The following GTF2F2 variants were observed in gnomAD, a reference collection of about 807,000 sequenced individuals.
GTF2F2 encodes ATP-dependent helicase GTF2F2.
In GTF2F2, 23 loss-of-function variants were observed where a neutral mutation model predicts 42.2. The ratio of observed to expected loss-of-function variants is 0.55; its 90% CI spans 0.39 to 0.77. GTF2F2 has a LOEUF of 0.77. Ranked by LOEUF, GTF2F2 falls within the 30% of genes least tolerant of loss-of-function variation. GTF2F2 has a pLI of 0.00. For synonymous variants in GTF2F2, 105 were observed against 100.8 expected (o/e 1.04, Z -0.25); for missense variants, 261 against 287.2 (o/e 0.91, Z 0.66).
chr13:45,138,482 G>C (rs1869749557), intron 2 of GTF2F2, among the ~76,000 whole-genome samples: 1 of 152,112 alleles, frequency 6.6e-6, no homozygotes, highest in South Asian at 2.1e-4. Context: ...ACCTAGACTT[G>C]ACCACGGACC....
chr13:45,141,577 A>G (rs1246903426), intron 2 of GTF2F2, among the ~76,000 whole-genome samples: 2 of 152,164 alleles, frequency 1.3e-5, no homozygotes, highest in African/African-American at 4.8e-5. Context: ...TAGTTATTCT[A>G]TGCATTACTA....
chr13:45,132,787 G>A (rs983956152), intron 1 of GTF2F2, among the ~76,000 whole-genome samples: 4 of 152,014 alleles, frequency 2.6e-5, no homozygotes, highest in Non-Finnish European at 5.9e-5. Flanking sequence ...CTTTTTCTCG[G>A]TGGAAGAGGA....
At chr13:45,179,115 C>T (rs1011603745) in intron 4 of GTF2F2, among the ~76,000 whole-genome samples, 3 of 152,192 alleles carry the variant, frequency 2.0e-5, no homozygotes, top group Non-Finnish European at 4.4e-5. Flanking sequence ...ATCACTTCAG[C>T]TGCATCTGTT....
intron 1 of GTF2F2, among the ~76,000 whole-genome samples, chr13:45,131,044 G>C (rs1869316274): frequency 6.6e-6 from 1 of 152,126 alleles, no homozygotes; most frequent in Non-Finnish European, 1.5e-5. Flanking sequence ...CCTGAGGTCA[G>C]GAGTTTGAGA....
intron 4 of GTF2F2, among the ~76,000 whole-genome samples, chr13:45,180,472 TCAAAG>T (rs956437215): frequency 1.8e-4 from 27 of 152,320 alleles, no homozygotes; most frequent in Non-Finnish European, 2.9e-4. Context: ...TATATCTTCC[TCAAAG>T]CAAAGTTTTG....
At chr13:45,213,715 G>A (rs1032369507) in intron 5 of GTF2F2, among the ~76,000 whole-genome samples, 2 of 151,200 alleles carry the variant, frequency 1.3e-5, no homozygotes, top group African/African-American at 4.9e-5. Context: ...TTATTGGATT[G>A]AAATAGAAAT....
chr13:45,248,135 G>A (rs1875722820), intron 5 of GTF2F2, among the ~76,000 whole-genome samples: 1 of 152,090 alleles, frequency 6.6e-6, no homozygotes, highest in Non-Finnish European at 1.5e-5. Flanking sequence ...GAGCCACCGT[G>A]CCTGGCCTGA....
chr13:45,197,305 T>C (rs1872943781), intron 4 of GTF2F2, among the ~76,000 whole-genome samples: 1 of 149,372 alleles, frequency 6.7e-6, no homozygotes, highest in African/African-American at 2.5e-5. Context: ...GAGACCAGCC[T>C]GGCCAGTATA....
At chr13:45,123,645 A>C (rs1416631784) in intron 1 of GTF2F2, among the ~76,000 whole-genome samples, 1 of 151,372 alleles carries the variant, frequency 6.6e-6, no homozygotes, top group Non-Finnish European at 1.5e-5. Context: ...AAAAAAAAAA[A>C]AACAACCAAA....
At chr13:45,157,918 AG>A (rs1870842569) in intron 4 of GTF2F2, among the ~76,000 whole-genome samples, 1 of 152,222 alleles carries the variant, frequency 6.6e-6, no homozygotes, top group Non-Finnish European at 1.5e-5. Context: ...ACCAGGAAAT[AG>A]AAAATCAAAT....
chr13:45,184,247 G>T (rs1227263009), intron 4 of GTF2F2, among the ~76,000 whole-genome samples: 1 of 152,050 alleles, frequency 6.6e-6, no homozygotes, highest in Non-Finnish European at 1.5e-5. Flanking sequence ...TGATTTCTTC[G>T]CAGGAAAGAG....
intron 4 of GTF2F2, among the ~76,000 whole-genome samples, chr13:45,176,332 C>T (rs187348633): frequency 2.5e-4 from 38 of 152,166 alleles, no homozygotes; most frequent in Non-Finnish European, 4.6e-4. Context: ...ATAAAAAAAT[C>T]TTAACTGTTA....
chr13:45,256,174 C>T (rs1876095147), intron 6 of GTF2F2, among the ~76,000 whole-genome samples: 1 of 151,958 alleles, frequency 6.6e-6, no homozygotes, highest in Non-Finnish European at 1.5e-5. Flanking sequence ...TTGAAATTGT[C>T]ACAGTGAGCA....
chr13:45,210,128 T>G (rs7337900), intron 5 of GTF2F2, among the ~76,000 whole-genome samples: 50,599 of 152,096 alleles, frequency 0.33, 10,934 homozygotes, highest in African/African-American at 0.61. Context: ...CCATTCGTCT[T>G]TTCAAGTGTC....
intron 4 of GTF2F2, chr13:45,193,674 C>G (rs1236582155): frequency 1.1e-6 from 1 of 904,398 alleles, no homozygotes; most frequent in Non-Finnish European, 1.7e-6. Flanking sequence ...TGATTAGTAG[C>G]AGGGCTCTGT....
In GTF2F2 at chr13:45,283,765, C is replaced by A; in HGVS notation, c.*204C>A. On this transcript the variant is annotated 3_prime_UTR_variant, in exon 8 of 8. Coordinates refer to ENST00000340473, the MANE Select transcript of GTF2F2 (RefSeq NM_004128.3). ...GAGAAAGAACAGATTTATTTATAGA[C>A]TTAACTTGTATTAAACCAGATTATT... 3.4e-6 allele frequency: 1 copy of A among 296,332 alleles called. No homozygotes were observed. The highest frequency in any genetic ancestry group is 9.1e-5 in the South Asian group (1 of 10,994). 18.4% of individuals were successfully genotyped at this position (296,332 alleles called of 1,614,324 possible).
At chr13:45,255,198 C>T (rs1333452030) in intron 6 of GTF2F2, among the ~76,000 whole-genome samples, 4 of 149,006 alleles carry the variant, frequency 2.7e-5, no homozygotes, top group Non-Finnish European at 5.9e-5. Flanking sequence ...AAAGACTAGC[C>T]TTTAGTATCA....
intron 4 of GTF2F2, among the ~76,000 whole-genome samples, chr13:45,188,139 C>T (rs1410592576): frequency 1.3e-5 from 2 of 152,284 alleles, no homozygotes; most frequent in African/African-American, 4.8e-5. Flanking sequence ...CTCCTGACCT[C>T]AAGTGATCCA....
intron 2 of GTF2F2, among the ~76,000 whole-genome samples, chr13:45,144,353 A>G (rs1395142139): frequency 1.3e-5 from 2 of 152,128 alleles, no homozygotes; most frequent in African/African-American, 4.8e-5. Context: ...TCAGTTGTCC[A>G]AATGTTTGAT....
Sources: allele counts gnomAD v4.1 joint callset (sites outside exome capture counted in the v4.1 genomes callset), GRCh38; gene constraint gnomAD v4.1.1; transcripts MANE v1.5; gene names NCBI Gene and HGNC (gene_info 2026-07-23, HGNC 2026-07-21).